The following SLC24A4 variants were observed in gnomAD, a reference collection of about 807,000 sequenced individuals.
The protein encoded by SLC24A4 is solute carrier family 24 member 4, also known as sodium/potassium/calcium exchanger 4.
A neutral mutation model predicts 79.0 loss-of-function variants in SLC24A4; 53 were observed. That is an observed-to-expected ratio of 0.67 (90% CI 0.54 to 0.84). The LOEUF (loss-of-function observed/expected upper bound fraction) is 0.84. Ranked by LOEUF, SLC24A4 falls within the 40% of genes least tolerant of loss-of-function variation. SLC24A4 has a pLI of 0.00. For missense variants in SLC24A4, 731 were observed against 822.0 expected, an observed-to-expected ratio of 0.89 and a Z score of 1.35; for synonymous variants, 323 against 323.8, an observed-to-expected ratio of 1.00 and a Z score of 0.03.
chr14:92,364,681 C>T (rs1044261326), intron 2 of SLC24A4, among the ~76,000 whole-genome samples: 1 of 152,176 alleles, frequency 6.6e-6, no homozygotes, highest in Non-Finnish European at 1.5e-5. Flanking sequence ...CATCCCTCAT[C>T]TGTGCATGGC....
intron 2 of SLC24A4, among the ~76,000 whole-genome samples, chr14:92,409,702 GT>G (rs924771352): frequency 2.0e-5 from 3 of 151,382 alleles, no homozygotes; most frequent in Non-Finnish European, 3.0e-5. Flanking sequence ...GGATTGTTTG[GT>G]TTTTTTTTAA....
At chr14:92,377,735 G>A (rs1888599446) in intron 2 of SLC24A4, among the ~76,000 whole-genome samples, 1 of 152,154 alleles carries the variant, frequency 6.6e-6, no homozygotes, top group Non-Finnish European at 1.5e-5. Context: ...CAGTGGGCTA[G>A]GCTGTCAGGA....
intron 2 of SLC24A4, among the ~76,000 whole-genome samples, chr14:92,345,741 G>T (rs1426313693): frequency 6.6e-6 from 1 of 152,050 alleles, no homozygotes; most frequent in Non-Finnish European, 1.5e-5. Flanking sequence ...AGCAGGATTT[G>T]CTGAGAATGA....
intron 2 of SLC24A4, among the ~76,000 whole-genome samples, chr14:92,421,432 T>G (rs1262887360): frequency 6.6e-6 from 1 of 152,192 alleles, no homozygotes; most frequent in Non-Finnish European, 1.5e-5. Context: ...TGGTTTTGAC[T>G]GTGCTTGGGC....
At chr14:92,356,308 A>T (rs1259139475) in intron 2 of SLC24A4, among the ~76,000 whole-genome samples, 2 of 152,234 alleles carry the variant, frequency 1.3e-5, no homozygotes, top group African/African-American at 4.8e-5. Flanking sequence ...GAGCATCTAT[A>T]CTTGGCTTCC....
At chr14:92,433,462 T>G (rs975628631) in intron 2 of SLC24A4, among the ~76,000 whole-genome samples, 2 of 152,210 alleles carry the variant, frequency 1.3e-5, no homozygotes, top group African/African-American at 4.8e-5. Flanking sequence ...GGGTCTATAC[T>G]TGCGAGTGGA....
chr14:92,386,641 A>G (rs1040614056), intron 2 of SLC24A4, among the ~76,000 whole-genome samples: 1 of 152,210 alleles, frequency 6.6e-6, no homozygotes, highest in African/African-American at 2.4e-5. Context: ...TCTCACCCTA[A>G]AAGGCAGTTA....
At chr14:92,336,650 TC>T (rs1374182194) in intron 2 of SLC24A4, among the ~76,000 whole-genome samples, 6 of 152,182 alleles carry the variant, frequency 3.9e-5, no homozygotes, top group Non-Finnish European at 7.3e-5. Flanking sequence ...AGGCACCCAG[TC>T]CCTGCTGTCA....
intron 4 of SLC24A4, among the ~76,000 whole-genome samples, chr14:92,439,897 C>G (rs1465261655): frequency 1.3e-5 from 2 of 152,250 alleles, no homozygotes; most frequent in Non-Finnish European, 2.9e-5. Flanking sequence ...TTTTGACTTT[C>G]TTTCCTTATT....
At chr14:92,449,268 C>T (rs1892995163) in intron 10 of SLC24A4, 52 bp downstream of exon 10, 5 of 1,586,012 alleles carry the variant, frequency 3.2e-6, no homozygotes, top group African/African-American at 1.4e-5. Context: ...AAGCCACTCT[C>T]TCCTCTTTTG....
intron 2 of SLC24A4, among the ~76,000 whole-genome samples, chr14:92,389,405 C>G (rs779373942): frequency 6.6e-6 from 1 of 152,068 alleles, no homozygotes; most frequent in Non-Finnish European, 1.5e-5. Context: ...GAAAATGAAC[C>G]AGATCTGATT....
rs747278771 is a variant in SLC24A4, at chr14:92,442,081, C to T, written c.394-8C>T. On this transcript the variant is annotated splice_region_variant and splice_polypyrimidine_tract_variant and intron_variant, in intron 4 of 16. Transcript: ENST00000532405. Reference sequence around the variant, plus strand: ...CACCCTGAGGGTCTGTGGTCACTTCCGTTTCAGAGACTCCATCTGAGCGAA... The same window carrying T: ...CACCCTGAGGGTCTGTGGTCACTTCTGTTTCAGAGACTCCATCTGAGCGAA... 1.9e-5 allele frequency: 31 copies of T among 1,612,452 alleles called. No individual in the cohort carries two copies. The highest frequency in any genetic ancestry group is 1.6e-4 in the South Asian group (15 of 90,992).
Position 92,391,237 on chromosome 14 carries a change from C to T in SLC24A4, c.242-42675C>T, listed in dbSNP as rs528045099. On this transcript the variant is annotated intron_variant, in intron 2 of 16. Coordinates refer to ENST00000532405, the MANE Select transcript of SLC24A4 (RefSeq NM_153646.4). Reference sequence around the variant, plus strand: ...GCTAGCTACACCTGCCATCTGTGGGCGTGGAGTGCAGGGAAGGTGCGAGTG... The same window carrying T: ...GCTAGCTACACCTGCCATCTGTGGGTGTGGAGTGCAGGGAAGGTGCGAGTG... Among the ~76,000 whole-genome samples, 8 of 152,286 alleles carry T rather than the reference C, an allele frequency of 5.3e-5. No individual in the cohort carries two copies. In the South Asian group the frequency reaches 1.7e-3, roughly 32 times the overall value.
intron 2 of SLC24A4, among the ~76,000 whole-genome samples, chr14:92,427,066 C>T (rs1183073747): frequency 2.6e-5 from 4 of 152,174 alleles, no homozygotes; most frequent in Non-Finnish European, 2.9e-5. Flanking sequence ...TTAAGAACAA[C>T]GAGCAGCTCA....
intron 12 of SLC24A4, among the ~76,000 whole-genome samples, chr14:92,477,172 T>C (rs1421734555): frequency 1.3e-5 from 2 of 152,202 alleles, no homozygotes; most frequent in Non-Finnish European, 2.9e-5. Context: ...GTTCCTATTT[T>C]CCCACACCCT....
rs1312422530 is a variant in SLC24A4 at position 92,441,847 on chromosome 14, G to A, written c.394-242G>A. Among the ~76,000 whole-genome samples the A allele has an allele frequency of 6.6e-6, 1 of 152,240 alleles. No individual in the cohort carries two copies. Among genetic ancestry groups the A allele is most frequent in the African/African-American group, 2.4e-5 (1 of 41,464 alleles). ...GACATTATTTGGTCACGGGCTTGGA[G>A]GACAAACAGAAAGGAGATAGTTGGG... On this transcript the variant is annotated intron_variant, in intron 4 of 16. Coordinates refer to ENST00000532405, the MANE Select transcript of SLC24A4 (RefSeq NM_153646.4). The surrounding 1 kb of genome is among the most constrained non-coding windows in gnomAD (Gnocchi z 4.6).
chr14:92,406,938 G>A (rs761744083), intron 2 of SLC24A4, among the ~76,000 whole-genome samples: 3 of 152,142 alleles, frequency 2.0e-5, no homozygotes, highest in Non-Finnish European at 4.4e-5. Context: ...CTACCACATG[G>A]TCAGGCTGCA....
chr14:92,391,257 C>T (rs60973053), intron 2 of SLC24A4, among the ~76,000 whole-genome samples: 4,605 of 152,210 alleles, frequency 0.03, 209 homozygotes, highest in East Asian at 0.19. Flanking sequence ...AGGGAAGGTG[C>T]GAGTGGAAGA....
chr14:92,343,713 C>CT (rs1595140836), intron 2 of SLC24A4, among the ~76,000 whole-genome samples: 2 of 143,424 alleles, frequency 1.4e-5, no homozygotes, highest in East Asian at 2.0e-4. Context: ...TTCTTTCTTT[C>CT]TTTTTTTGAG....
Sources: allele counts gnomAD v4.1 joint callset (sites outside exome capture counted in the v4.1 genomes callset), GRCh38; gene constraint gnomAD v4.1.1; non-coding constraint Gnocchi (gnomAD v3.1); transcripts MANE v1.5; gene names NCBI Gene and HGNC (gene_info 2026-07-23, HGNC 2026-07-21).